NKAIN3: variants seen among roughly 807,000 people sequenced by gnomAD.
NKAIN3 encodes sodium/potassium-transporting ATPase subunit beta-1-interacting protein 3.
In NKAIN3, 25 loss-of-function variants were observed where a neutral mutation model predicts 30.2. The observed-to-expected ratio is 0.83, with a 90% confidence interval of 0.60 to 1.16. The LOEUF (loss-of-function observed/expected upper bound fraction) is 1.16, where lower values mean the gene tolerates loss of function less well. Among genes scored for constraint, NKAIN3 ranks in the 50% most tolerant of loss-of-function variants. The pLI is 0.00. For synonymous variants in NKAIN3, 91 were observed against 89.6 expected, an observed-to-expected ratio of 1.02 and a Z score of -0.09; for missense variants, 225 against 254.1, an observed-to-expected ratio of 0.89 and a Z score of 0.78.
chr8:62,534,354 T>A (rs896490), intron 1 of NKAIN3, among the ~76,000 whole-genome samples: 136,098 of 152,190 alleles, frequency 0.89, 61,048 homozygotes, highest in Middle Eastern at 0.95. Flanking sequence ...TCATAAATAG[T>A]ACAGGTCACC....
intron 4 of NKAIN3, among the ~76,000 whole-genome samples, chr8:62,775,117 A>G (rs1384032552): frequency 2.6e-5 from 4 of 151,994 alleles, no homozygotes; most frequent in African/African-American, 9.7e-5. Context: ...GGGTTTCTTC[A>G]TGGTTCAATC....
chr8:62,670,409 A>G (rs924105201), intron 3 of NKAIN3, among the ~76,000 whole-genome samples: 2 of 152,186 alleles, frequency 1.3e-5, no homozygotes, highest in Admixed American at 6.5e-5. Flanking sequence ...TCCTTGAGAT[A>G]TACATTTCTT....
chr8:62,582,334 C>A (rs141917655), intron 2 of NKAIN3, among the ~76,000 whole-genome samples: 1 of 152,156 alleles, frequency 6.6e-6, no homozygotes, highest in Non-Finnish European at 1.5e-5. Flanking sequence ...CATTCTCTGT[C>A]TTCCTGGGTG....
chr8:62,323,071 T>A (rs1814994028), intron 1 of NKAIN3, among the ~76,000 whole-genome samples: 1 of 152,202 alleles, frequency 6.6e-6, no homozygotes. Context: ...CTCTCATCCA[T>A]TGCTGGTGGG....
chr8:62,592,872 G>A (rs893211743), intron 3 of NKAIN3, among the ~76,000 whole-genome samples: 1 of 151,846 alleles, frequency 6.6e-6, no homozygotes. Context: ...GTTTTACAAT[G>A]ATAACAGGAT....
intron 4 of NKAIN3, among the ~76,000 whole-genome samples, chr8:62,799,031 A>C (rs1817966994): frequency 6.6e-6 from 1 of 152,270 alleles, no homozygotes; most frequent in South Asian, 2.1e-4. Flanking sequence ...CAAATAGCAC[A>C]TGAGGGCCTG....
chr8:62,393,768 A>G (rs1817643528), intron 1 of NKAIN3, among the ~76,000 whole-genome samples: 1 of 152,114 alleles, frequency 6.6e-6, no homozygotes, highest in Non-Finnish European at 1.5e-5. Context: ...TTAACTTTTT[A>G]AAGCAATGCT....
In NKAIN3 at chr8:62,290,249, G is replaced by T. The variant is rs545283236; in HGVS notation, c.54+41122G>T. Reference sequence around the variant, plus strand: ...TATCCTTTATTTCTTTCTCTTGCCTGATTTCCCTGGCCAGAACTTCCAACA... The same window carrying T: ...TATCCTTTATTTCTTTCTCTTGCCTTATTTCCCTGGCCAGAACTTCCAACA... On this transcript the variant is annotated intron_variant, in intron 1 of 6. Transcript: ENST00000623646. Among the ~76,000 whole-genome samples, 5 of 152,264 alleles carry T rather than the reference G, an allele frequency of 3.3e-5. No individual in the cohort carries two copies. The East Asian group carries it at 9.7e-4, about 29-fold the overall frequency.
intron 1 of NKAIN3, among the ~76,000 whole-genome samples, chr8:62,413,373 A>C (rs181939598): frequency 3.2e-4 from 48 of 152,258 alleles, no homozygotes; most frequent in African/African-American, 1.1e-3. Flanking sequence ...ATTTGGGACA[A>C]CTGCCACACC....
At chr8:62,611,021 T>C (rs563329750) in intron 3 of NKAIN3, among the ~76,000 whole-genome samples, 27 of 152,122 alleles carry the variant, frequency 1.8e-4, no homozygotes, top group African/African-American at 5.8e-4. Flanking sequence ...GAAATTTCAG[T>C]GGGGGAAAAA....
intron 1 of NKAIN3, among the ~76,000 whole-genome samples, chr8:62,275,924 A>G (rs1041620518): frequency 6.6e-6 from 1 of 152,160 alleles, no homozygotes; most frequent in Non-Finnish European, 1.5e-5. Context: ...TGAGGCTGTA[A>G]CAGCTATGTA....
chr8:62,339,956 G>A (rs573389335), intron 1 of NKAIN3, among the ~76,000 whole-genome samples: 2 of 152,048 alleles, frequency 1.3e-5, no homozygotes, highest in African/African-American at 4.8e-5. Context: ...ATACATGCAA[G>A]GACAAGTAGG....
At chr8:62,714,590 T>TATG (rs1332024613) in intron 3 of NKAIN3, among the ~76,000 whole-genome samples, 1 of 152,140 alleles carries the variant, frequency 6.6e-6, no homozygotes, top group Non-Finnish European at 1.5e-5. Context: ...CAAGGCTTAA[T>TATG]ATAAAAAATA....
chr8:62,532,674 T>G (rs1808524382), intron 1 of NKAIN3, among the ~76,000 whole-genome samples: 1 of 152,112 alleles, frequency 6.6e-6, no homozygotes. Context: ...TAGCAGTGAG[T>G]GTTGTTAAAA....
At chr8:62,393,016 G>A (rs1391070158) in intron 1 of NKAIN3, among the ~76,000 whole-genome samples, 2 of 151,980 alleles carry the variant, frequency 1.3e-5, no homozygotes, top group Admixed American at 6.5e-5. Flanking sequence ...AGATTAACAT[G>A]GTGCAGGTCT....
At chr8:62,941,983 A>G (rs1026718704) in intron 5 of NKAIN3, among the ~76,000 whole-genome samples, 4 of 151,912 alleles carry the variant, frequency 2.6e-5, no homozygotes, top group African/African-American at 4.8e-5. Flanking sequence ...GTCACTGTTT[A>G]CCATTGATAT....
chr8:62,452,667 A>G (rs891600914), intron 1 of NKAIN3, among the ~76,000 whole-genome samples: 8 of 152,188 alleles, frequency 5.3e-5, no homozygotes, highest in Non-Finnish European at 5.9e-5. Flanking sequence ...AAACAAAATA[A>G]AAGAGTCTTG....
At chr8:62,875,423 G>A (rs1486426932) in intron 4 of NKAIN3, among the ~76,000 whole-genome samples, 1 of 152,088 alleles carries the variant, frequency 6.6e-6, no homozygotes, top group African/African-American at 2.4e-5. Flanking sequence ...TAGATTCAAT[G>A]CCATTCCCAT....
At chr8:62,711,817 G>A (rs1814730510) in intron 3 of NKAIN3, among the ~76,000 whole-genome samples, 1 of 152,106 alleles carries the variant, frequency 6.6e-6, no homozygotes, top group Non-Finnish European at 1.5e-5. Context: ...AAATAGCCTT[G>A]TTTTTCATAT....
Sources: gnomAD v4.1 joint callset for allele counts (sites outside exome capture counted in the v4.1 genomes callset) on GRCh38, gnomAD v4.1.1 for gene constraint, MANE v1.5 for transcripts, NCBI Gene and HGNC (gene_info 2026-07-23, HGNC 2026-07-21) for gene names.